TMCC1: variants seen among roughly 807,000 people sequenced by gnomAD.
The protein encoded by TMCC1 is transmembrane and coiled-coil domains protein 1.
TMCC1 carries 15 observed loss-of-function variants against 52.4 expected under a neutral mutation model. The ratio of observed to expected loss-of-function variants is 0.29; its 90% CI spans 0.19 to 0.44. The LOEUF is 0.44. Ranked by LOEUF, TMCC1 falls within the 20% of genes least tolerant of loss-of-function variation. The probability of loss-of-function intolerance (pLI) is 1.00; values close to 1 mark genes in which losing one functional copy is unlikely to be tolerated. For synonymous variants in TMCC1, 279 were observed against 301.9 expected (o/e 0.92, Z 0.79); for missense variants, 503 against 806.0 (o/e 0.62, Z 4.55).
chr3:129,879,240 A>G (rs751763250), intron 2 of TMCC1, among the ~76,000 whole-genome samples: 2 of 152,204 alleles, frequency 1.3e-5, no homozygotes, highest in Non-Finnish European at 2.9e-5. Context: ...CAAGAGTTCG[A>G]GACCAGCATG....
chr3:129,856,787 T>C (rs983763337), intron 2 of TMCC1, among the ~76,000 whole-genome samples: 1 of 152,186 alleles, frequency 6.6e-6, no homozygotes, highest in Non-Finnish European at 1.5e-5. Context: ...TACTTCTGTC[T>C]CTAAGTCAAG....
intron 4 of TMCC1, 73 bp from the exon 5 acceptor site, chr3:129,671,337 T>C: frequency 7.0e-7 from 1 of 1,427,792 alleles, no homozygotes; most frequent in Non-Finnish European, 9.4e-7. Flanking sequence ...GGCCAAAATG[T>C]ATTGGAAATG....
At chr3:129,712,100 C>G (rs2048744279) in intron 4 of TMCC1, among the ~76,000 whole-genome samples, 1 of 151,524 alleles carries the variant, frequency 6.6e-6, no homozygotes, top group Admixed American at 6.6e-5. Flanking sequence ...TCACTTGAAC[C>G]CGGGAGGTGA....
chr3:129,855,953 A>C (rs544869628), intron 2 of TMCC1, among the ~76,000 whole-genome samples: 1 of 152,312 alleles, frequency 6.6e-6, no homozygotes, highest in South Asian at 2.1e-4. Flanking sequence ...TAAAGAAAAC[A>C]CTGGTCCTTC....
intron 2 of TMCC1, among the ~76,000 whole-genome samples, chr3:129,857,805 C>T (rs918462241): frequency 2.0e-5 from 3 of 152,152 alleles, no homozygotes; most frequent in Non-Finnish European, 2.9e-5. Context: ...TGTCATGAGC[C>T]GCCCGCCTCA....
chr3:129,723,711 G>T (rs1490393298), intron 4 of TMCC1, among the ~76,000 whole-genome samples: 1 of 152,108 alleles, frequency 6.6e-6, no homozygotes, highest in African/African-American at 2.4e-5. Flanking sequence ...TGGGTAAAAT[G>T]AACAACTAGG....
chr3:129,711,259 G>A (rs1371154627), intron 4 of TMCC1, among the ~76,000 whole-genome samples: 1 of 152,156 alleles, frequency 6.6e-6, no homozygotes, highest in African/African-American at 2.4e-5. Context: ...TATGTCCAAA[G>A]TTTATTTAAT....
intron 1 of TMCC1, among the ~76,000 whole-genome samples, chr3:129,888,588 G>A (rs1251023711): frequency 6.6e-6 from 1 of 152,178 alleles, no homozygotes; most frequent in African/African-American, 2.4e-5. Flanking sequence ...ATGGAGATAT[G>A]TCAAAGAGAA....
At chr3:129,823,405 C>T (rs987243453) in intron 4 of TMCC1, among the ~76,000 whole-genome samples, 2 of 152,062 alleles carry the variant, frequency 1.3e-5, no homozygotes, top group Admixed American at 1.3e-4. Flanking sequence ...GATATATATA[C>T]AAAGTGAGAG....
chr3:129,756,153 C>T (rs1034455656), intron 4 of TMCC1, among the ~76,000 whole-genome samples: 1 of 151,652 alleles, frequency 6.6e-6, no homozygotes, highest in African/African-American at 2.4e-5. Context: ...GACATACTGT[C>T]TTCCAAAGTT....
At chr3:129,744,639 T>C (rs1326747662) in intron 4 of TMCC1, among the ~76,000 whole-genome samples, 1 of 152,200 alleles carries the variant, frequency 6.6e-6, no homozygotes, top group East Asian at 1.9e-4. Flanking sequence ...ATATATCACC[T>C]TCCTTATCAT....
chr3:129,682,129 C>T (rs2089043641), intron 4 of TMCC1, among the ~76,000 whole-genome samples: 1 of 151,756 alleles, frequency 6.6e-6, no homozygotes, highest in African/African-American at 2.4e-5. Context: ...AAACAACTAC[C>T]TTATTTTTAG....
intron 2 of TMCC1, among the ~76,000 whole-genome samples, chr3:129,840,902 T>C (rs2059395547): frequency 6.6e-6 from 1 of 152,164 alleles, no homozygotes. Flanking sequence ...GTACCAGGAA[T>C]GGGGTACTAC....
chr3:129,858,405 C>G (rs1560562917), intron 2 of TMCC1, among the ~76,000 whole-genome samples: 4 of 152,118 alleles, frequency 2.6e-5, no homozygotes. Context: ...CAGTGTCACT[C>G]TGTCACTCAG....
At chr3:129,821,636 T>C (rs1044743931) in intron 4 of TMCC1, among the ~76,000 whole-genome samples, 2 of 152,218 alleles carry the variant, frequency 1.3e-5, no homozygotes, top group Non-Finnish European at 2.9e-5. Flanking sequence ...CATCACTCTT[T>C]CTTACTATAA....
intron 4 of TMCC1, among the ~76,000 whole-genome samples, chr3:129,697,436 C>T (rs1356622995): frequency 6.6e-6 from 1 of 152,162 alleles, no homozygotes; most frequent in African/African-American, 2.4e-5. Context: ...GCCCACGAAG[C>T]CATTTTCTCC....
intron 2 of TMCC1, among the ~76,000 whole-genome samples, chr3:129,875,515 A>C (rs909074897): frequency 8.7e-5 from 13 of 150,160 alleles, no homozygotes; most frequent in African/African-American, 2.5e-4. Context: ...AAAAAAAAAA[A>C]ACAACACAAA....
At chr3:129,675,133 C>T (rs1216989169) in intron 4 of TMCC1, among the ~76,000 whole-genome samples, 1 of 152,206 alleles carries the variant, frequency 6.6e-6, no homozygotes, top group East Asian at 1.9e-4. Flanking sequence ...TGTGCCCGGC[C>T]ATAAAATTAG....
At chr3:129,814,763 A>G (rs1389267144) in intron 4 of TMCC1, among the ~76,000 whole-genome samples, 1 of 152,200 alleles carries the variant, frequency 6.6e-6, no homozygotes, top group Admixed American at 6.5e-5. Flanking sequence ...TACTTACATC[A>G]TATAAAATAG....
Sources: gnomAD v4.1 joint callset for allele counts (sites outside exome capture counted in the v4.1 genomes callset) on GRCh38, gnomAD v4.1.1 for gene constraint, MANE v1.5 for transcripts, NCBI Gene and HGNC (gene_info 2026-07-23, HGNC 2026-07-21) for gene names.